Variants in NFAT5 observed in about 807,000 individuals in gnomAD.
NFAT5 encodes the protein nuclear factor of activated T cells 5.
Under a neutral mutation model 166.5 loss-of-function variants are expected in NFAT5, and 31 were observed. The ratio of observed to expected loss-of-function variants is 0.19; its 90% CI spans 0.14 to 0.25. NFAT5 has a LOEUF of 0.25. NFAT5 is among the 10% of genes least tolerant of loss of function. The pLI is 1.00. For missense variants in NFAT5, 1,449 were observed against 1,821.8 expected (o/e 0.80, Z 3.72); for synonymous variants, 612 against 639.7 (o/e 0.96, Z 0.65).
At chr16:69,662,103 T>A (rs890265033) in intron 7 of NFAT5, among the ~76,000 whole-genome samples, 3 of 152,126 alleles carry the variant, frequency 2.0e-5, no homozygotes, top group Non-Finnish European at 4.4e-5. Flanking sequence ...CCAATTGTAT[T>A]ATAAAGTTAT....
rs189888462 is a variant in NFAT5, at chr16:69,681,655, C to T, written c.1691-3232C>T. 2.2e-3 allele frequency among the ~76,000 whole-genome samples: 340 copies of T among 152,160 alleles called. 2 individuals carry two copies. The highest frequency in any genetic ancestry group is 6.0e-3 in the South Asian group (29 of 4,816). ...GGGATTGGCCGGGCACGGTGGCTCA[C>T]GCCTGTAATCCCAGCACTTTGGGAG... On this transcript the variant is annotated intron_variant, in intron 10 of 14. Coordinates refer to ENST00000349945, the MANE Select transcript of NFAT5 (RefSeq NM_138713.4).
At chr16:69,587,480 CCT>C (rs1385337665) in intron 2 of NFAT5, among the ~76,000 whole-genome samples, 2 of 150,888 alleles carry the variant, frequency 1.3e-5, no homozygotes, top group Non-Finnish European at 3.0e-5. Context: ...CCTCCGCCCC[CCT>C]GTGTTCAATC....
chr16:69,629,446 T>C (rs1029461443), intron 3 of NFAT5, among the ~76,000 whole-genome samples: 1 of 152,142 alleles, frequency 6.6e-6, no homozygotes, highest in African/African-American at 2.4e-5. Context: ...CTTTATCTGC[T>C]TCTACACAAT....
chr16:69,613,527 T>C (rs528357085), intron 2 of NFAT5, among the ~76,000 whole-genome samples: 5 of 152,314 alleles, frequency 3.3e-5, no homozygotes, highest in Admixed American at 6.5e-5. Flanking sequence ...GTGTTCTGAG[T>C]AACTGAGTTA....
intron 2 of NFAT5, among the ~76,000 whole-genome samples, chr16:69,599,470 G>A (rs912701300): frequency 2.6e-5 from 4 of 152,110 alleles, no homozygotes; most frequent in African/African-American, 4.8e-5. Flanking sequence ...CCAGCTGCTC[G>A]GGAGGCAGGA....
At chr16:69,627,359 TATATATATATATATATATATATA>T (rs2034517375) in intron 3 of NFAT5, among the ~76,000 whole-genome samples, 1 of 13,450 alleles carries the variant, frequency 7.4e-5, no homozygotes, top group Non-Finnish European at 1.4e-4. Context: ...TATATATATA[TATATATATATATATATATATATA>T]TTTTGAAGTT....
At chr16:69,642,956 G>A (rs2035278325) in intron 3 of NFAT5, among the ~76,000 whole-genome samples, 3 of 151,764 alleles carry the variant, frequency 2.0e-5, no homozygotes, top group South Asian at 2.1e-4. Flanking sequence ...CATGGCTCAC[G>A]CCTGTAATCT....
intron 3 of NFAT5, among the ~76,000 whole-genome samples, chr16:69,639,835 T>G (rs1230366519): frequency 6.6e-6 from 1 of 152,194 alleles, no homozygotes; most frequent in Non-Finnish European, 1.5e-5. Flanking sequence ...TTCTGGCTTA[T>G]GGATTAGAGA....
chr16:69,573,510 C>A (rs2016562029), intron 2 of NFAT5, among the ~76,000 whole-genome samples: 1 of 152,026 alleles, frequency 6.6e-6, no homozygotes, highest in African/African-American at 2.4e-5. Flanking sequence ...ATCTAATAAT[C>A]TCTGTGGATC....
rs2037663960 is a variant in NFAT5, at chr16:69,693,939, A to C, written c.4114A>C (p.Ser1372Arg). ...SESSQTPLFH[S>R]SPQIQLVQGS... ...ATCATCACAGACCCCCTTGTTCCAT[A>C]GCTCTCCTCAGATTCAGTTGGTACA... Residue 1372 changes from serine to arginine, a missense_variant, in exon 13 of 15, where the codon AGC becomes CGC. By Grantham distance (110) the Ser-to-Arg change is moderately radical. Around this residue, in one of 7 missense-constraint regions of NFAT5, gnomAD observed 891 missense variants for 993.0 expected, o/e 0.90. Coordinates refer to ENST00000349945, the MANE Select transcript of NFAT5 (RefSeq NM_138713.4). 1.2e-6 allele frequency: 2 copies of C among 1,614,074 alleles called. No homozygotes were observed. The highest frequency in any genetic ancestry group is 1.7e-6 in the Non-Finnish European group (2 of 1,180,038).
intron 10 of NFAT5, among the ~76,000 whole-genome samples, chr16:69,682,641 A>T (rs2037119467): frequency 6.6e-6 from 1 of 152,180 alleles, no homozygotes; most frequent in Non-Finnish European, 1.5e-5. Context: ...AGAAGAATTT[A>T]AAAATAACTC....
chr16:69,628,763 GT>G (rs1163758148), intron 3 of NFAT5, among the ~76,000 whole-genome samples: 1 of 152,060 alleles, frequency 6.6e-6, no homozygotes, highest in Non-Finnish European at 1.5e-5. Context: ...ACTTGTATGG[GT>G]TTTTAAAAAA....
intron 2 of NFAT5, among the ~76,000 whole-genome samples, chr16:69,617,947 G>A (rs531071074): frequency 1.7e-4 from 25 of 149,730 alleles, no homozygotes; most frequent in African/African-American, 5.1e-4. Context: ...ACCTGAGGTC[G>A]GGAGTTCGAG....
chr16:69,580,981 C>A (rs2031647304), intron 2 of NFAT5, among the ~76,000 whole-genome samples: 2 of 152,222 alleles, frequency 1.3e-5, no homozygotes, highest in South Asian at 4.2e-4. Flanking sequence ...AAACCTGGGT[C>A]CTCATTATAT....
chr16:69,586,941 T>C (rs2032106709), intron 2 of NFAT5, among the ~76,000 whole-genome samples: 1 of 152,216 alleles, frequency 6.6e-6, no homozygotes, highest in Non-Finnish European at 1.5e-5. Context: ...TTTGTATTTG[T>C]ATTATTAGAC....
rs910511652 is a variant in NFAT5, at chr16:69,676,052, T to C, written c.1558-1151T>C. 2.6e-5 allele frequency among the ~76,000 whole-genome samples: 4 copies of C among 152,326 alleles called. No individual in the cohort carries two copies. The South Asian group carries it at 8.3e-4, about 32-fold the overall frequency. ...TGACCTTGATCTCATTTGTCCCATA[T>C]TTTCTATTCAACTGAGTCAACGAAC... On this transcript the variant is annotated intron_variant, in intron 9 of 14. Coordinates refer to ENST00000349945, the MANE Select transcript of NFAT5 (RefSeq NM_138713.4).
intron 3 of NFAT5, chr16:69,646,425 T>C: frequency 4.2e-6 from 2 of 474,012 alleles, no homozygotes; most frequent in South Asian, 4.7e-5. Context: ...CAGTTGATTA[T>C]ATATTTTTTC....
chr16:69,685,030 A>G (rs1385421285), intron 11 of NFAT5, 60 bp downstream of exon 11: 1 of 1,109,114 alleles, frequency 9.0e-7, no homozygotes. Flanking sequence ...TTTCTCTAGC[A>G]CACCTTACTA....
chr16:69,702,019 T>A lies in NFAT5; in HGVS notation c.*5668T>A. The A allele has an allele frequency of 6.6e-6, 1 of 152,638 alleles. No homozygotes were observed. The highest frequency in any genetic ancestry group is 1.5e-5 in the Non-Finnish European group (1 of 68,046). 9.5% of individuals were successfully genotyped at this position (152,638 alleles called of 1,614,324 possible). A position where few individuals can be genotyped will look rare whatever the true frequency, so the allele number is the denominator to read the frequency against. The stretch of plus-strand genomic sequence containing the variant: ...AGCTCCTTACCACAGCGGTGGTGCT[T>A]AAAGAAAGGATCATCAGCAACAGGT... On this transcript the variant is annotated 3_prime_UTR_variant, in exon 15 of 15. Coordinates refer to ENST00000349945, the MANE Select transcript of NFAT5 (RefSeq NM_138713.4).
Sources: allele counts gnomAD v4.1 joint callset (sites outside exome capture counted in the v4.1 genomes callset), GRCh38; gene constraint gnomAD v4.1.1; regional missense constraint gnomAD v4.1.1; transcripts MANE v1.5; gene names NCBI Gene and HGNC (gene_info 2026-07-23, HGNC 2026-07-21).